ZNF471: variants seen among roughly 807,000 people sequenced by gnomAD.
ZNF471 encodes the protein zinc finger protein 471, also known as EZFIT-related protein 1.
In ZNF471, 7 loss-of-function variants were observed where a neutral mutation model predicts 13.7. The observed-to-expected ratio is 0.51, with a 90% CI of 0.29 to 0.96. The LOEUF is 0.96. Ranked by LOEUF, ZNF471 falls within the 40% of genes least tolerant of loss-of-function variation. The pLI, the probability that ZNF471 is intolerant of heterozygous loss-of-function variation, is 0.08. For synonymous variants in ZNF471, 218 were observed against 235.6 expected (o/e 0.93, Z 0.68); for missense variants, 663 against 743.3 (o/e 0.89, Z 1.26).
intron 1 of ZNF471, among the ~76,000 whole-genome samples, chr19:56,509,368 A>T (rs1446642444): frequency 6.6e-6 from 1 of 151,936 alleles, no homozygotes; most frequent in East Asian, 1.9e-4. Context: ...ACCTTGTCCT[A>T]TGCATTTCTT....
rs1292028836 is a variant in ZNF471, at chr19:56,508,444, G to A, written c.-56+524G>A. ...GTGTAACAGACCAGGTGTCCAGAGC[G>A]TGAGACCAGGATGTATTCGTGTGAG... On this transcript the variant is annotated intron_variant, in intron 1 of 4. Transcript: ENST00000308031. This position sits in a 1 kb window ranked among gnomAD's most constrained non-coding sequence, Gnocchi z 4.7. Among the ~76,000 whole-genome samples the A allele has an allele frequency of 6.6e-6, 1 of 151,880 alleles. No homozygotes were observed. Among genetic ancestry groups the A allele is most frequent in the African/African-American group, 2.4e-5 (1 of 41,336 alleles).
rs1488732187 is a variant in ZNF471, at chr19:56,521,865, T to G, written c.257-2459T>G. Among the ~76,000 whole-genome samples, 15 of 152,190 alleles carry G rather than the reference T, an allele frequency of 9.9e-5. No individual in the cohort carries two copies. In the East Asian group the frequency reaches 2.9e-3, roughly 29 times the overall value. On this transcript the variant is annotated intron_variant, in intron 4 of 4. Transcript: ENST00000308031. ...AGGAAGCTAAGGCAGAAGGATCACT[T>G]GAGCCCAGGAGTTTGAGGATGCAGT...
chr19:56,513,896 G>A (rs1411634948), intron 2 of ZNF471, among the ~76,000 whole-genome samples: 1 of 151,900 alleles, frequency 6.6e-6, no homozygotes, highest in Non-Finnish European at 1.5e-5. Context: ...TAGAAAAATT[G>A]CAGAGATAGT....
chr19:56,507,962 G>A, intron 1 of ZNF471, 42 bp downstream of exon 1: 1 of 986,134 alleles, frequency 1.0e-6, no homozygotes. Flanking sequence ...CGAGGGCTGG[G>A]CCAGGAAGGG....
intron 4 of ZNF471, among the ~76,000 whole-genome samples, chr19:56,519,684 C>T (rs142591892): frequency 1.1e-4 from 16 of 152,334 alleles, no homozygotes; most frequent in African/African-American, 3.8e-4. Context: ...TAATTTGGAT[C>T]CTAAATTTCC....
At position 56,527,843 on chromosome 19, in the gene ZNF471, A is replaced by G. The variant is rs771642791; in HGVS notation, c.*1895A>G. On this transcript the variant is annotated 3_prime_UTR_variant, in exon 5 of 5. Transcript: ENST00000308031. ...CAGCCAGCTCTTCCTCACCCACTAC[A>G]TCACCAAGTCCTGTGGATATATCTG... The G allele has an allele frequency of 5.3e-5, 8 of 152,162 alleles. No individual in the cohort carries two copies. The highest frequency in any genetic ancestry group is 8.8e-5 in the Non-Finnish European group (6 of 68,016). 9.4% of individuals were successfully genotyped at this position (152,162 alleles called of 1,614,324 possible).
At chr19:56,512,338 C>T (rs181643024) in intron 2 of ZNF471, among the ~76,000 whole-genome samples, 112 of 151,468 alleles carry the variant, frequency 7.4e-4, no homozygotes, top group African/African-American at 2.5e-3. Flanking sequence ...TCCTATTTTT[C>T]TTCTAAGATT....
intron 4 of ZNF471, 30 bp downstream of exon 4, chr19:56,518,607 C>T (rs1568473680): frequency 6.3e-7 from 1 of 1,582,626 alleles, no homozygotes; most frequent in Admixed American, 1.7e-5. Flanking sequence ...AGAGGGGAAT[C>T]TTTTTGACAT....
Position 56,525,828 on chromosome 19 carries a change from T to C in ZNF471, c.1761T>C (p.Ala587=), listed in dbSNP as rs1413701589. ...CTTTTAGTGATAGCTCATCCTGTGCTCAGCATCAAAGACTCCACACTGGCC... is the reference window on the plus strand; with the variant it reads ...CTTTTAGTGATAGCTCATCCTGTGCCCAGCATCAAAGACTCCACACTGGCC... The part of the protein sequence containing the change: ...GKAFSDSSSC[A]QHQRLHTGQR... The change falls in exon 5 of 5, where the codon GCT becomes GCC. Residue 587 remains alanine, a synonymous_variant. Transcript: ENST00000308031. 3 of 1,614,184 alleles carry C rather than the reference T, an allele frequency of 1.9e-6. No homozygotes were observed. The South Asian group carries it at 3.3e-5, about 18-fold the overall frequency.
In ZNF471 at chr19:56,525,498, T is replaced by C; in HGVS notation, c.1431T>C (p.His477=). ...GGCAGAATGTACACCTTGTTAGTCA[T>C]TTGAGAATTCATACTGGTGAAAAAC... ...AFRQNVHLVS[H]LRIHTGEKPY... The change falls in exon 5 of 5, where the codon CAT becomes CAC. Residue 477 remains histidine (H), a synonymous_variant. Coordinates refer to ENST00000308031, the MANE Select transcript of ZNF471 (RefSeq NM_020813.4). The C allele has an allele frequency of 6.2e-7, 1 of 1,614,130 alleles. No individual in the cohort carries two copies. The highest frequency in any genetic ancestry group is 1.7e-5 in the Admixed American group (1 of 60,018).
At chr19:56,511,484 C>A in intron 1 of ZNF471, 33 bp from the exon 2 acceptor site, 1 of 1,522,530 alleles carries the variant, frequency 6.6e-7, no homozygotes, top group South Asian at 1.2e-5. Flanking sequence ...GCATCTCTGG[C>A]CTCATCTCTC....
rs922615461 is a variant in ZNF471, at chr19:56,511,628, T to G, written c.33+24T>G. 1.9e-6 allele frequency: 3 copies of G among 1,581,066 alleles called. No individual in the cohort carries two copies. In the African/African-American group the frequency reaches 4.1e-5, roughly 21 times the overall value. On this transcript the variant is annotated intron_variant, in intron 2 of 4. Coordinates refer to ENST00000308031, the MANE Select transcript of ZNF471 (RefSeq NM_020813.4). ...AGGTTAGTGGATATTTTCTTTCTCT[T>G]CATGAAAGGCAGTCTTGCTGTTTAG...
In ZNF471 at chr19:56,508,745, G is replaced by A. The variant is rs2043769521; in HGVS notation, c.-56+825G>A. Among the ~76,000 whole-genome samples, 1 of 151,732 alleles carries A rather than the reference G, an allele frequency of 6.6e-6. No homozygotes were observed. Among genetic ancestry groups the A allele is most frequent in the Non-Finnish European group, 1.5e-5 (1 of 67,986 alleles). ...CAGTGTGTGAGGCCGTGTTATGTGT[G>A]TCTGACAGACTGAGAGAGACCAGAG... On this transcript the variant is annotated intron_variant, in intron 1 of 4. Coordinates refer to ENST00000308031, the MANE Select transcript of ZNF471 (RefSeq NM_020813.4). The surrounding 1 kb of genome is among the most constrained non-coding windows in gnomAD (Gnocchi z 4.7).
rs2043810303 is a variant in ZNF471, at chr19:56,511,432, G to A, written c.-55-85G>A. 6 of 1,057,954 alleles carry A rather than the reference G, an allele frequency of 5.7e-6. No individual in the cohort carries two copies. In the South Asian group the frequency reaches 1.0e-4, roughly 18 times the overall value. 65.5% of individuals were successfully genotyped at this position (1,057,954 alleles called of 1,614,324 possible). A position where few individuals can be genotyped will look rare whatever the true frequency, so the allele number is the denominator to read the frequency against. On this transcript the variant is annotated intron_variant, in intron 1 of 4. Coordinates refer to ENST00000308031, the MANE Select transcript of ZNF471 (RefSeq NM_020813.4). Reference sequence around the variant, plus strand: ...CCAGTTATGGGATCAACCAAAGCTGGGAAGAAGAAGACAGTTTTAGGCTAG... The same window carrying A: ...CCAGTTATGGGATCAACCAAAGCTGAGAAGAAGAAGACAGTTTTAGGCTAG...
chr19:56,508,366 AAGAG>A lies in ZNF471; in HGVS notation c.-56+449_-56+452del, dbSNP rs1261839433. The stretch of plus-strand genomic sequence containing the variant: ...GAGATAGGGATGTGCCTGCATTTGA[AAGAG>A]AGCGTGTGAAGCTCAGTGAGAGGTT... On this transcript the variant is annotated intron_variant, in intron 1 of 4. Coordinates refer to ENST00000308031, the MANE Select transcript of ZNF471 (RefSeq NM_020813.4). This position sits in a 1 kb window ranked among gnomAD's most constrained non-coding sequence, Gnocchi z 4.7. Among the ~76,000 whole-genome samples the A allele has an allele frequency of 5.3e-5, 8 of 150,150 alleles. No individual in the cohort carries two copies. The highest frequency in any genetic ancestry group is 2.1e-4 in the South Asian group (1 of 4,716).
intron 4 of ZNF471, among the ~76,000 whole-genome samples, chr19:56,521,857 G>T (rs1490550115): frequency 1.3e-5 from 2 of 152,088 alleles, no homozygotes; most frequent in African/African-American, 4.8e-5. Context: ...TAAGGCAGAA[G>T]GATCACTTGA....
chr19:56,521,999 T>C (rs561966692), intron 4 of ZNF471, among the ~76,000 whole-genome samples: 54 of 152,300 alleles, frequency 3.5e-4, no homozygotes, highest in Middle Eastern at 3.4e-3. Flanking sequence ...TTCTTTATGT[T>C]TGTATATGTT....
Position 56,525,081 on chromosome 19 carries a change from A to G in ZNF471, c.1014A>G (p.Arg338=), listed in dbSNP as rs1441481709. ...SDGSSFARHQ[R]CHTGKRPYEC... is the part of the protein sequence containing the mutation. ...GCTCGTCTTTTGCTCGACATCAGAG[A>G]TGTCACACTGGCAAAAGACCCTATG... The change falls in exon 5 of 5, where the codon AGA becomes AGG. Residue 338 remains arginine, a synonymous_variant. Coordinates refer to ENST00000308031, the MANE Select transcript of ZNF471 (RefSeq NM_020813.4). 3.7e-6 allele frequency: 6 copies of G among 1,614,024 alleles called. No individual in the cohort carries two copies. Among genetic ancestry groups the G allele is most frequent in the Non-Finnish European group, 4.2e-6 (5 of 1,179,980 alleles).
chr19:56,516,344 C>A lies in ZNF471; in HGVS notation c.103C>A (p.Gln35Lys). 6.2e-7 allele frequency: 1 copy of A among 1,613,846 alleles called. No individual in the cohort carries two copies. Among genetic ancestry groups the A allele is most frequent in the South Asian group, 1.1e-5 (1 of 91,058 alleles). ...AGAATGGCAATGGATGAACCCTGCT[C>A]AGAAGCGTTTATACAGGAGTATGAT... Reference protein sequence around the residue: ...QEEWQWMNPAQKRLYRSMMLE... With the variant: ...QEEWQWMNPAKKRLYRSMMLE... The change falls in exon 3 of 5, where the codon CAG (glutamine) becomes AAG (lysine). Residue 35 changes from glutamine to lysine, a missense_variant. Physicochemically the swap from Gln to Lys is moderately conservative, Grantham distance 53. Transcript: ENST00000308031. The surrounding 1 kb of genome is among the most constrained non-coding windows in gnomAD (Gnocchi z 4.4).
Sources: allele counts gnomAD v4.1 joint callset (sites outside exome capture counted in the v4.1 genomes callset), GRCh38; gene constraint gnomAD v4.1.1; non-coding constraint Gnocchi (gnomAD v3.1); transcripts MANE v1.5; gene names NCBI Gene and HGNC (gene_info 2026-07-23, HGNC 2026-07-21).